The following ANGPT1 variants were observed in gnomAD, a reference collection of about 807,000 sequenced individuals.
ANGPT1 encodes the protein angiopoietin-1.
ANGPT1 carries 17 observed loss-of-function variants against 62.2 expected under a neutral mutation model. The observed-to-expected ratio is 0.27, with a 90% confidence interval of 0.19 to 0.41. The LOEUF (loss-of-function observed/expected upper bound fraction) is 0.41, where lower values mean the gene tolerates loss of function less well. Among genes scored for constraint, ANGPT1 ranks in the 10% least tolerant of loss-of-function variants. The pLI, the probability that ANGPT1 is intolerant of heterozygous loss-of-function variation, is 1.00. For synonymous variants in ANGPT1, 199 were observed against 198.9 expected (o/e 1.00, Z 0.00); for missense variants, 478 against 594.9 (o/e 0.80, Z 2.04).
chr8:107,352,472 C>T (rs567394066), intron 1 of ANGPT1, among the ~76,000 whole-genome samples: 9 of 152,116 alleles, frequency 5.9e-5, no homozygotes, highest in East Asian at 1.9e-4. Context: ...CATTCTCCAT[C>T]ATGAGAGAGA....
intron 4 of ANGPT1, among the ~76,000 whole-genome samples, chr8:107,314,497 T>G (rs562792663): frequency 6.6e-6 from 1 of 152,336 alleles, no homozygotes. Context: ...AAATTATGAC[T>G]ATTCTAAAAG....
chr8:107,362,674 C>T (rs1816190037), intron 1 of ANGPT1, among the ~76,000 whole-genome samples: 1 of 152,084 alleles, frequency 6.6e-6, no homozygotes, highest in African/African-American at 2.4e-5. Flanking sequence ...TCTCATGTCA[C>T]AGAGATGTGT....
chr8:107,332,969 G>T (rs1815458320), intron 3 of ANGPT1, among the ~76,000 whole-genome samples: 1 of 152,160 alleles, frequency 6.6e-6, no homozygotes, highest in African/African-American at 2.4e-5. Context: ...AACATAAACA[G>T]CTTCATGCTT....
chr8:107,339,423 T>C (rs193038464), intron 2 of ANGPT1, among the ~76,000 whole-genome samples: 49 of 152,298 alleles, frequency 3.2e-4, no homozygotes, highest in African/African-American at 1.2e-3. Context: ...TTCATTCCAA[T>C]CTTGGAAGAT....
At chr8:107,416,172 G>A (rs1210035582) in intron 1 of ANGPT1, among the ~76,000 whole-genome samples, 1 of 152,142 alleles carries the variant, frequency 6.6e-6, no homozygotes, top group Admixed American at 6.6e-5. Flanking sequence ...ACACCATCAA[G>A]TGCTCAGTCC....
intron 1 of ANGPT1, among the ~76,000 whole-genome samples, chr8:107,375,559 C>T (rs1054442619): frequency 1.3e-5 from 2 of 152,168 alleles, no homozygotes; most frequent in East Asian, 3.9e-4. Flanking sequence ...TAGTATTTTA[C>T]CATCCTCCTC....
intron 1 of ANGPT1, among the ~76,000 whole-genome samples, chr8:107,450,628 A>G (rs748753521): frequency 3.3e-5 from 5 of 151,984 alleles, no homozygotes; most frequent in Non-Finnish European, 7.4e-5. Context: ...TATTATTTTA[A>G]GAAAAAAGTT....
intron 7 of ANGPT1, chr8:107,284,352 ATGAGTT>A: frequency 7.9e-6 from 1 of 125,798 alleles, no homozygotes; most frequent in Admixed American, 9.3e-5. Context: ...ATTTAAGCCA[ATGAGTT>A]TGAGTATGAA....
intron 1 of ANGPT1, among the ~76,000 whole-genome samples, chr8:107,435,787 G>A (rs1529747): frequency 0.066 from 10,086 of 152,208 alleles, 440 homozygotes; most frequent in African/African-American, 0.11. Flanking sequence ...AGGCACTGGA[G>A]ATACAATTGT....
intron 5 of ANGPT1, 169 bp from the exon 6 acceptor site, chr8:107,294,206 G>C: frequency 2.2e-6 from 1 of 456,770 alleles, no homozygotes; most frequent in African/African-American, 2.0e-5. Flanking sequence ...TTCTTCCTCT[G>C]ATTCATATTT....
chr8:107,348,798 G>A (rs1162964421), intron 1 of ANGPT1, among the ~76,000 whole-genome samples: 3 of 152,014 alleles, frequency 2.0e-5, no homozygotes, highest in South Asian at 2.1e-4. Flanking sequence ...GGAAGTTATC[G>A]TTTTGCCCTT....
chr8:107,275,998 A>C (rs1307091794), intron 7 of ANGPT1, among the ~76,000 whole-genome samples: 1 of 152,100 alleles, frequency 6.6e-6, no homozygotes, highest in Non-Finnish European at 1.5e-5. Flanking sequence ...CTGACATTCA[A>C]CTGCATTTTT....
rs538512129 is a variant in ANGPT1 at position 107,429,299 on chromosome 8, C to T, written c.297+67963G>A. Reference sequence around the variant, plus strand: ...ATAAGATGAGACCGGTTACTGCAGGCGAGTGAAACCCGGACTTCCCGGGGA... The same window carrying T: ...ATAAGATGAGACCGGTTACTGCAGGTGAGTGAAACCCGGACTTCCCGGGGA... On this transcript the variant is annotated intron_variant, in intron 1 of 8. Transcript: ENST00000517746. 6.6e-5 allele frequency among the ~76,000 whole-genome samples: 10 copies of T among 152,280 alleles called. No homozygotes were observed. In the East Asian group the frequency reaches 7.7e-4, roughly 12 times the overall value.
At chr8:107,487,274 G>C (rs1318380307) in intron 1 of ANGPT1, among the ~76,000 whole-genome samples, 1 of 152,138 alleles carries the variant, frequency 6.6e-6, no homozygotes, top group African/African-American at 2.4e-5. Context: ...ATAAAAAGGA[G>C]AGACAGGCCG....
At chr8:107,450,751 T>C (rs1233741425) in intron 1 of ANGPT1, among the ~76,000 whole-genome samples, 1 of 151,300 alleles carries the variant, frequency 6.6e-6, no homozygotes, top group Non-Finnish European at 1.5e-5. Context: ...TGTGAATATA[T>C]ATAATATATA....
At chr8:107,436,317 A>G (rs1049081515) in intron 1 of ANGPT1, among the ~76,000 whole-genome samples, 29 of 152,202 alleles carry the variant, frequency 1.9e-4, no homozygotes, top group African/African-American at 6.5e-4. Flanking sequence ...TGTCAACACT[A>G]TGCTAGACTA....
chr8:107,321,992 T>G lies in ANGPT1; in HGVS notation c.712A>C (p.Asn238His). The G allele has an allele frequency of 6.2e-7, 1 of 1,614,010 alleles. No individual in the cohort carries two copies. Among genetic ancestry groups the G allele is most frequent in the South Asian group, 1.1e-5 (1 of 91,078 alleles). ...YIIQELEKQL[N>H]RATTNNSVLQ... ...ACACTGTTGTTGGTGGTAGCTCTGT[T>G]TAATTGCTTTTCCAGCTCCTGGATT... The change falls in exon 4 of 9, where the codon AAC becomes CAC. Residue 238 changes from asparagine (N) to histidine (H), a missense_variant. Physicochemically the swap from Asn to His is moderately conservative, Grantham distance 68. Coordinates refer to ENST00000517746, the MANE Select transcript of ANGPT1 (RefSeq NM_001146.5).
In ANGPT1 at chr8:107,497,429, T is replaced by C. The variant is rs2130553944; in HGVS notation, c.130A>G (p.Thr44Ala). 3 of 1,614,184 alleles carry C rather than the reference T, an allele frequency of 1.9e-6. No homozygotes were observed. Among genetic ancestry groups the C allele is most frequent in the South Asian group, 1.1e-5 (1 of 91,086 alleles). Reference protein sequence around the residue: ...NRIQHGQCAYTFILPEHDGNC... With the variant: ...NRIQHGQCAYAFILPEHDGNC... The stretch of plus-strand genomic sequence containing the variant: ...CCATCGTGTTCTGGAAGAATGAAAG[T>C]GTAGGCACATTGCCCATGTTGAATC... Residue 44 changes from threonine (T) to alanine (A), a missense_variant, in exon 1 of 9, where the codon ACT becomes GCT. By Grantham distance (58) the Thr-to-Ala change is moderately conservative. This residue lies in a region of ANGPT1 where 343 missense variants were observed against 355.4 expected (regional missense o/e 0.97). Transcript: ENST00000517746.
chr8:107,283,671 T>C (rs1246774849), intron 7 of ANGPT1, among the ~76,000 whole-genome samples: 1 of 152,182 alleles, frequency 6.6e-6, no homozygotes, highest in Non-Finnish European at 1.5e-5. Context: ...GTGCCCACCC[T>C]TTAATTCATA....
Sources: gnomAD v4.1 joint callset for allele counts (sites outside exome capture counted in the v4.1 genomes callset) on GRCh38, gnomAD v4.1.1 for gene constraint, gnomAD v4.1.1 regional missense constraint, MANE v1.5 for transcripts, NCBI Gene and HGNC (gene_info 2026-07-23, HGNC 2026-07-21) for gene names.